LHCGR: variants seen among roughly 807,000 people sequenced by gnomAD.
LHCGR encodes the protein lutropin-choriogonadotropic hormone receptor.
Under a neutral mutation model 60.7 loss-of-function variants are expected in LHCGR, and 55 were observed. That is an observed-to-expected ratio of 0.91 (90% CI 0.73 to 1.13). The LOEUF is 1.13. Ranked by LOEUF, LHCGR falls within the 50% of genes most tolerant of loss-of-function variation. The pLI is 0.00. For missense variants in LHCGR, 862 were observed against 836.0 expected (o/e 1.03, Z -0.38); for synonymous variants, 337 against 316.5 (o/e 1.06, Z -0.69).
Position 48,728,362 on chromosome 2 carries a change from A to G in LHCGR, c.308+791T>C, listed in dbSNP as rs145450120. Among the ~76,000 whole-genome samples, 573 of 152,294 alleles carry G rather than the reference A, an allele frequency of 3.8e-3. 7 individuals are homozygous for G. Among genetic ancestry groups the G allele is most frequent in the African/African-American group, 0.013 (549 of 41,564 alleles). On this transcript the variant is annotated intron_variant, in intron 3 of 10. Coordinates refer to ENST00000294954, the MANE Select transcript of LHCGR (RefSeq NM_000233.4). ...AAGCACAGAGCTCAAAAAATGTTTG[A>G]TGCTAATACTTTTCCCCTTCCCTAA...
chr2:48,693,950 C>A (rs1666987485), intron 10 of LHCGR, among the ~76,000 whole-genome samples: 1 of 152,054 alleles, frequency 6.6e-6, no homozygotes, highest in Non-Finnish European at 1.5e-5. Context: ...CATCAACATA[C>A]CTGCAAAATT....
At chr2:48,716,050 A>C (rs937710517) in intron 6 of LHCGR, among the ~76,000 whole-genome samples, 3 of 152,128 alleles carry the variant, frequency 2.0e-5, no homozygotes, top group Non-Finnish European at 4.4e-5. Flanking sequence ...ACAGCTTCAC[A>C]TACTAGCTCT....
intron 8 of LHCGR, among the ~76,000 whole-genome samples, chr2:48,699,496 G>A (rs1287649392): frequency 6.6e-6 from 1 of 152,116 alleles, no homozygotes; most frequent in East Asian, 1.9e-4. Flanking sequence ...AGTTACATCA[G>A]CTTTTGTGCT....
intron 9 of LHCGR, among the ~76,000 whole-genome samples, chr2:48,697,902 T>C (rs1393791184): frequency 6.6e-6 from 1 of 152,236 alleles, no homozygotes; most frequent in Admixed American, 6.5e-5. Context: ...TAAGTATCAC[T>C]CAGCTTTATT....
Position 48,737,452 on chromosome 2 carries a change from T to TA in LHCGR, c.162-6155dup, listed in dbSNP as rs1669249657. Among the ~76,000 whole-genome samples the TA allele has an allele frequency of 2.0e-5, 3 of 152,366 alleles. No homozygotes were observed. The East Asian group carries it at 5.8e-4, about 29-fold the overall frequency. ...ATTTATTAAGATCTTGTTCTACACTTAACAGTGTCTTAAGAAGTTCTGTGT... is the reference window on the plus strand; with the variant it reads ...ATTTATTAAGATCTTGTTCTACACTTAAACAGTGTCTTAAGAAGTTCTGTGT... On this transcript the variant is annotated intron_variant, in intron 1 of 10. Transcript: ENST00000294954.
intron 6 of LHCGR, among the ~76,000 whole-genome samples, chr2:48,717,100 C>T (rs867101486): frequency 5.3e-5 from 8 of 152,226 alleles, no homozygotes; most frequent in Middle Eastern, 6.8e-3. Flanking sequence ...GAGTCTAGTC[C>T]CTGGATTGCT....
intron 1 of LHCGR, chr2:48,732,987 G>A: frequency 3.9e-6 from 2 of 510,336 alleles, no homozygotes; most frequent in Non-Finnish European, 8.1e-6. Context: ...TTCTTGTGAT[G>A]GCATATTTGC....
At chr2:48,741,773 A>G (rs1328743721) in intron 1 of LHCGR, among the ~76,000 whole-genome samples, 3 of 151,932 alleles carry the variant, frequency 2.0e-5, no homozygotes, top group Non-Finnish European at 4.4e-5. Flanking sequence ...CTAGGAAGAA[A>G]CTGCATCAAC....
chr2:48,714,122 TC>T, intron 6 of LHCGR, 68 bp from the exon 7 acceptor site: 1 of 1,114,644 alleles, frequency 9.0e-7, no homozygotes, highest in East Asian at 2.4e-5. Context: ...AACACATTTT[TC>T]CTCCTGTAAC....
chr2:48,735,116 A>G (rs1044667046), intron 1 of LHCGR, among the ~76,000 whole-genome samples: 5 of 152,248 alleles, frequency 3.3e-5, no homozygotes, highest in South Asian at 2.1e-4. Context: ...AAATGCTTCA[A>G]TTGGATTACA....
chr2:48,721,501 T>C (rs1048426965), intron 6 of LHCGR: 1 of 304,534 alleles, frequency 3.3e-6, no homozygotes, highest in Non-Finnish European at 6.6e-6. Flanking sequence ...TGTATTCTTT[T>C]GATTGCATTA....
chr2:48,716,785 C>T (rs892070394), intron 6 of LHCGR, among the ~76,000 whole-genome samples: 2 of 152,136 alleles, frequency 1.3e-5, no homozygotes, highest in Non-Finnish European at 2.9e-5. Context: ...AAAGGAATCA[C>T]ACTCTTTTTC....
At chr2:48,741,044 G>A (rs938655570) in intron 1 of LHCGR, among the ~76,000 whole-genome samples, 22 of 152,228 alleles carry the variant, frequency 1.4e-4, no homozygotes, top group Non-Finnish European at 2.8e-4. Flanking sequence ...CATGAAGAAT[G>A]CAGAAGCCTC....
intron 7 of LHCGR, among the ~76,000 whole-genome samples, chr2:48,710,765 T>C (rs1200945886): frequency 6.6e-6 from 1 of 152,204 alleles, no homozygotes; most frequent in African/African-American, 2.4e-5. Context: ...CCTTAGTAAG[T>C]CAGGTGTTTG....
intron 1 of LHCGR, among the ~76,000 whole-genome samples, chr2:48,736,727 T>C (rs964301799): frequency 3.5e-4 from 54 of 152,274 alleles, no homozygotes; most frequent in African/African-American, 1.2e-3. Context: ...TTTTGTATGT[T>C]ATATATATTA....
At chr2:48,739,084 T>G (rs1489372231) in intron 1 of LHCGR, among the ~76,000 whole-genome samples, 2 of 152,296 alleles carry the variant, frequency 1.3e-5, no homozygotes, top group East Asian at 3.9e-4. Flanking sequence ...AAGGTCCATC[T>G]CAGAATGCAA....
chr2:48,707,499 C>T (rs563413069), intron 8 of LHCGR, among the ~76,000 whole-genome samples: 2 of 152,360 alleles, frequency 1.3e-5, no homozygotes, highest in East Asian at 1.9e-4. Context: ...CCCACAGCTG[C>T]CCCTTCCCCT....
At chr2:48,753,333 G>A (rs1670062975) in intron 1 of LHCGR, among the ~76,000 whole-genome samples, 1 of 152,184 alleles carries the variant, frequency 6.6e-6, no homozygotes, top group African/African-American at 2.4e-5. Flanking sequence ...GTGTCACTAT[G>A]TTGTGCCAAA....
At chr2:48,726,494 C>T (rs1424744680) in intron 3 of LHCGR, among the ~76,000 whole-genome samples, 5 of 152,186 alleles carry the variant, frequency 3.3e-5, no homozygotes, top group African/African-American at 2.4e-5. Context: ...TTGCCCTCCC[C>T]GCCCAACTCC....
Sources: allele counts gnomAD v4.1 joint callset (sites outside exome capture counted in the v4.1 genomes callset), GRCh38; gene constraint gnomAD v4.1.1; transcripts MANE v1.5; gene names NCBI Gene and HGNC (gene_info 2026-07-23, HGNC 2026-07-21).